Variants in PPP2R2B observed in about 807,000 individuals in gnomAD.
PPP2R2B encodes the protein protein phosphatase 2 regulatory subunit Bbeta.
Under a neutral mutation model 46.0 loss-of-function variants are expected in PPP2R2B, and 5 were observed. That is an observed-to-expected ratio of 0.11 (90% CI 0.06 to 0.23). The LOEUF is 0.23. Ranked by LOEUF, PPP2R2B falls within the 10% of genes least tolerant of loss-of-function variation. The pLI, the probability that PPP2R2B is intolerant of heterozygous loss-of-function variation, is 1.00. For synonymous variants in PPP2R2B, 215 were observed against 206.7 expected (o/e 1.04, Z -0.34); for missense variants, 367 against 575.0 (o/e 0.64, Z 3.70).
intron 1 of PPP2R2B, among the ~76,000 whole-genome samples, chr5:147,019,111 T>C (rs1755139868): frequency 6.6e-6 from 1 of 152,328 alleles, no homozygotes; most frequent in East Asian, 1.9e-4. Flanking sequence ...ATGGAAAATC[T>C]GGCACTTAGT....
At chr5:146,986,156 A>C (rs1279587508) in intron 1 of PPP2R2B, among the ~76,000 whole-genome samples, 1 of 152,198 alleles carries the variant, frequency 6.6e-6, no homozygotes, top group Non-Finnish European at 1.5e-5. Flanking sequence ...TTGCCTGTAC[A>C]CTGCTCCCCC....
intron 1 of PPP2R2B, among the ~76,000 whole-genome samples, chr5:147,036,913 C>A (rs1756065264): frequency 6.6e-6 from 1 of 152,148 alleles, no homozygotes; most frequent in Non-Finnish European, 1.5e-5. Context: ...TCAACAAATT[C>A]TATTAAGCTA....
chr5:146,922,766 T>C (rs2151815767), intron 1 of PPP2R2B, among the ~76,000 whole-genome samples: 1 of 152,208 alleles, frequency 6.6e-6, no homozygotes, highest in East Asian at 1.9e-4. Context: ...CACATCCCAT[T>C]GGCTTTGCTG....
At chr5:146,593,908 A>G (rs186214275) in intron 8 of PPP2R2B, among the ~76,000 whole-genome samples, 89 of 152,262 alleles carry the variant, frequency 5.8e-4, no homozygotes, top group African/African-American at 2.0e-3. Flanking sequence ...AGGGAGGGAG[A>G]CCAGTTATAA....
At chr5:146,628,164 C>T (rs545804224) in intron 7 of PPP2R2B, among the ~76,000 whole-genome samples, 25 of 152,202 alleles carry the variant, frequency 1.6e-4, no homozygotes, top group African/African-American at 5.5e-4. Context: ...AGGCTGGTCT[C>T]GAACTCCTGA....
chr5:146,694,281 C>T (rs112842915), intron 4 of PPP2R2B, among the ~76,000 whole-genome samples: 60 of 152,192 alleles, frequency 3.9e-4, no homozygotes, highest in South Asian at 2.1e-3. Flanking sequence ...TGCGCTGGAG[C>T]GAAAGGAGAT....
At chr5:146,783,948 G>A (rs1755688271) in intron 2 of PPP2R2B, among the ~76,000 whole-genome samples, 1 of 152,152 alleles carries the variant, frequency 6.6e-6, no homozygotes, top group African/African-American at 2.4e-5. Context: ...ATATATCTTT[G>A]TGTGTGTACC....
intron 1 of PPP2R2B, among the ~76,000 whole-genome samples, chr5:146,929,448 T>G (rs1301388025): frequency 2.6e-5 from 4 of 152,090 alleles, no homozygotes; most frequent in Non-Finnish European, 5.9e-5. Flanking sequence ...GTGAGAACAC[T>G]TTCCAAAGAA....
intron 2 of PPP2R2B, among the ~76,000 whole-genome samples, chr5:146,732,660 C>G (rs1752301622): frequency 6.6e-6 from 1 of 152,154 alleles, no homozygotes; most frequent in Admixed American, 6.5e-5. Flanking sequence ...GCAACAAATA[C>G]AACATCAATA....
At position 146,891,341 on chromosome 5, in the gene PPP2R2B, G is replaced by A. The variant is rs545282081; in HGVS notation, c.79+164324C>T. On this transcript the variant is annotated intron_variant, in intron 1 of 8. Transcript: ENST00000336640. ...GAATGAAATGCCTAAAGCAATGCAT[G>A]GCACATAATCCACACCCAATAAATG... 2.0e-5 allele frequency among the ~76,000 whole-genome samples: 3 copies of A among 152,300 alleles called. No individual in the cohort carries two copies. The East Asian group carries it at 5.8e-4, about 29-fold the overall frequency.
chr5:147,054,280 A>G (rs1183567704), intron 1 of PPP2R2B, among the ~76,000 whole-genome samples: 2 of 152,220 alleles, frequency 1.3e-5, no homozygotes, highest in African/African-American at 2.4e-5. Context: ...TACAAAAGTC[A>G]TCTAGGCAGT....
At chr5:146,774,623 C>T (rs1755062965) in intron 2 of PPP2R2B, among the ~76,000 whole-genome samples, 1 of 152,000 alleles carries the variant, frequency 6.6e-6, no homozygotes, top group African/African-American at 2.4e-5. Flanking sequence ...TCGAGACCAG[C>T]CTGGCCAACA....
intron 1 of PPP2R2B, among the ~76,000 whole-genome samples, chr5:147,007,670 G>A (rs181311691): frequency 1.6e-4 from 25 of 152,262 alleles, no homozygotes; most frequent in African/African-American, 5.1e-4. Flanking sequence ...CACTCACTGC[G>A]AAGGTCTGTG....
chr5:146,707,549 CG>C, intron 2 of PPP2R2B: 1 of 720,796 alleles, frequency 1.4e-6, no homozygotes, highest in East Asian at 2.6e-5. Context: ...GCAGAAGGCC[CG>C]GGTGCCAGAG....
intron 1 of PPP2R2B, among the ~76,000 whole-genome samples, chr5:146,884,160 A>G (rs755730415): frequency 1.1e-4 from 15 of 137,964 alleles, no homozygotes; most frequent in Non-Finnish European, 2.0e-4. Flanking sequence ...GAAACACATT[A>G]CTTGCTGATG....
chr5:146,817,463 C>A (rs1757996802), intron 2 of PPP2R2B, among the ~76,000 whole-genome samples: 1 of 152,134 alleles, frequency 6.6e-6, no homozygotes, highest in South Asian at 2.1e-4. Context: ...ACAGTGTGAT[C>A]TTTTAATATA....
chr5:146,662,488 C>T (rs1776730310), intron 5 of PPP2R2B, among the ~76,000 whole-genome samples: 1 of 152,088 alleles, frequency 6.6e-6, no homozygotes. Flanking sequence ...TGCCTGCCTC[C>T]CCGGGGTGCT....
At chr5:146,960,374 C>T (rs1300573717) in intron 1 of PPP2R2B, among the ~76,000 whole-genome samples, 1 of 152,160 alleles carries the variant, frequency 6.6e-6, no homozygotes, top group Non-Finnish European at 1.5e-5. Context: ...ACTGCAACCT[C>T]CACCTCCCGG....
intron 2 of PPP2R2B, among the ~76,000 whole-genome samples, chr5:147,063,101 T>C (rs112287761): frequency 2.0e-5 from 3 of 146,932 alleles, no homozygotes; most frequent in Non-Finnish European, 1.5e-5. Flanking sequence ...GGAAGGGAGA[T>C]AGAAAAGAAA....
Sources: allele counts gnomAD v4.1 joint callset (sites outside exome capture counted in the v4.1 genomes callset), GRCh38; gene constraint gnomAD v4.1.1; transcripts MANE v1.5; gene names NCBI Gene and HGNC (gene_info 2026-07-23, HGNC 2026-07-21).